The following OR7C1 variants were observed in gnomAD, a reference collection of about 807,000 sequenced individuals.
The protein encoded by OR7C1 is olfactory receptor 7C1.
For missense variants in OR7C1, 324 were observed against 383.3 expected (o/e 0.85, Z 1.29); for synonymous variants, 152 against 160.7 (o/e 0.95, Z 0.41).
At chr19:14,833,300 G>A (rs534415531) in intron 1 of OR7C1, among the ~76,000 whole-genome samples, 10 of 152,316 alleles carry the variant, frequency 6.6e-5, no homozygotes, top group African/African-American at 1.9e-4. Flanking sequence ...GCAATATGGC[G>A]AAACGCCATC....
intron 2 of OR7C1, among the ~76,000 whole-genome samples, chr19:14,805,646 C>A (rs1456651548): frequency 6.6e-6 from 1 of 151,698 alleles, no homozygotes; most frequent in Non-Finnish European, 1.5e-5. Flanking sequence ...AACTCCTGAC[C>A]TCAAGCGATC....
chr19:14,799,431 T>C, exon 5 of OR7C1: 1 of 1,614,200 alleles, frequency 6.2e-7, no homozygotes. Flanking sequence ...GAAAACGCTT[T>C]GTGCTTTCTC....
chr19:14,818,178 C>A (rs914716381), intron 1 of OR7C1, among the ~76,000 whole-genome samples: 1 of 151,810 alleles, frequency 6.6e-6, no homozygotes, highest in African/African-American at 2.4e-5. Context: ...CTGCAAGCTC[C>A]GCCTCCCAGG....
chr19:14,803,759 G>C (rs2044653499), intron 2 of OR7C1, among the ~76,000 whole-genome samples: 1 of 151,820 alleles, frequency 6.6e-6, no homozygotes, highest in African/African-American at 2.4e-5. Flanking sequence ...GCCCAGGCTG[G>C]AGTGCAGTGG....
At chr19:14,821,764 C>T (rs984209922) in intron 1 of OR7C1, among the ~76,000 whole-genome samples, 1 of 152,230 alleles carries the variant, frequency 6.6e-6, no homozygotes, top group Non-Finnish European at 1.5e-5. Context: ...CTCAATCAGT[C>T]CCAATCTCAG....
intron 2 of OR7C1, among the ~76,000 whole-genome samples, chr19:14,801,812 C>G (rs1485823177): frequency 1.3e-5 from 2 of 152,216 alleles, no homozygotes. Context: ...AGAGCGCGCG[C>G]TAAGGCGGTA....
At chr19:14,799,379 C>A (rs1258864391) in exon 5 of OR7C1, 6 of 1,613,810 alleles carry the variant, frequency 3.7e-6, no homozygotes, top group South Asian at 1.1e-5. Context: ...AAAGCCCGTG[C>A]CATAGAACAA....
intron 1 of OR7C1, among the ~76,000 whole-genome samples, chr19:14,816,481 T>G (rs1172170459): frequency 1.3e-5 from 2 of 152,172 alleles, no homozygotes; most frequent in Non-Finnish European, 2.9e-5. Flanking sequence ...TTCGTCTTTC[T>G]CCCATGGTGA....
intron 1 of OR7C1, among the ~76,000 whole-genome samples, chr19:14,812,326 C>T (rs766578285): frequency 6.6e-6 from 1 of 152,226 alleles, no homozygotes; most frequent in Non-Finnish European, 1.5e-5. Flanking sequence ...AAATCAAAGA[C>T]AGGCAGCCCG....
rs1480731280 is a variant in OR7C1, at chr19:14,803,492, T to G, written c.-434-2728A>C. On this transcript the variant is annotated intron_variant, in intron 2 of 4. Transcript: ENST00000641666. ...AGGAAAAGGGAAGATGGAGTCACCA[T>G]GTTGAACATGCCTGGCTCCCAGACA... is the stretch of plus-strand genomic sequence containing the variant. Among the ~76,000 whole-genome samples, 4 of 152,064 alleles carry G rather than the reference T, an allele frequency of 2.6e-5. No homozygotes were observed. In the East Asian group the frequency reaches 7.7e-4, roughly 29 times the overall value.
chr19:14,827,884 A>G, intron 1 of OR7C1: 1 of 1,614,232 alleles, frequency 6.2e-7, no homozygotes, highest in Non-Finnish European at 8.5e-7. Flanking sequence ...AACCGGTCAT[A>G]GGCCATCACG....
At chr19:14,815,463 C>T (rs1334803977) in intron 1 of OR7C1, among the ~76,000 whole-genome samples, 1 of 152,158 alleles carries the variant, frequency 6.6e-6, no homozygotes, top group Non-Finnish European at 1.5e-5. Flanking sequence ...GCATAAAGCT[C>T]TTAGCTCTTA....
chr19:14,817,152 A>T (rs546305653), intron 1 of OR7C1, among the ~76,000 whole-genome samples: 1 of 152,312 alleles, frequency 6.6e-6, no homozygotes, highest in East Asian at 1.9e-4. Flanking sequence ...AGGCTAGCTA[A>T]TCTGAGTCCC....
At chr19:14,809,579 G>C (rs148423799) in intron 2 of OR7C1, among the ~76,000 whole-genome samples, 1 of 151,738 alleles carries the variant, frequency 6.6e-6, no homozygotes, top group Non-Finnish European at 1.5e-5. Flanking sequence ...AAGAAACAGA[G>C]ATTGAAAGCA....
intron 2 of OR7C1, among the ~76,000 whole-genome samples, chr19:14,801,226 A>G (rs980424669): frequency 1.3e-5 from 2 of 152,194 alleles, no homozygotes; most frequent in African/African-American, 2.4e-5. Flanking sequence ...CAGGAGCTCA[A>G]TAACTATGCT....
At chr19:14,828,271 G>GAGAA (rs1288421197) in intron 1 of OR7C1, 10 of 1,576,194 alleles carry the variant, frequency 6.3e-6, no homozygotes, top group Non-Finnish European at 7.8e-6. Context: ...GAGAGAGAGA[G>GAGAA]AGAAAGAGGG....
exon 5 of OR7C1, chr19:14,799,808 A>G: frequency 6.2e-7 from 1 of 1,613,986 alleles, no homozygotes; most frequent in South Asian, 1.1e-5. Context: ...TAAATTGTCC[A>G]GGCATCCAAA....
chr19:14,810,058 A>C (rs1223752093), intron 1 of OR7C1, 65 bp from the exon 2 acceptor site: 8 of 151,960 alleles, frequency 5.3e-5, no homozygotes, highest in Non-Finnish European at 1.0e-4. Context: ...TCCTCATTAA[A>C]TAAGTTGTTT....
intron 2 of OR7C1, among the ~76,000 whole-genome samples, chr19:14,803,307 C>CAAAAAAAAA (rs553496845): frequency 3.6e-5 from 3 of 83,590 alleles, no homozygotes; most frequent in Non-Finnish European, 7.0e-5. Flanking sequence ...ACTATGTCTC[C>CAAAAAAAAA]AAAAAAAAAA....
Sources: allele counts gnomAD v4.1 joint callset (sites outside exome capture counted in the v4.1 genomes callset), GRCh38; gene constraint gnomAD v4.1.1; transcripts MANE v1.5; gene names NCBI Gene and HGNC (gene_info 2026-07-23, HGNC 2026-07-21).